Variants in OGDH observed in about 807,000 individuals in gnomAD.
OGDH encodes oxoglutarate dehydrogenase.
Under a neutral mutation model 116.6 loss-of-function variants are expected in OGDH, and 38 were observed. That is an observed-to-expected ratio of 0.33 (90% CI 0.25 to 0.43). The LOEUF (loss-of-function observed/expected upper bound fraction) is 0.43. OGDH is among the 20% of genes least tolerant of loss of function. The pLI is 1.00. For synonymous variants in OGDH, 488 were observed against 533.3 expected (o/e 0.92, Z 1.17); for missense variants, 825 against 1,357.2 (o/e 0.61, Z 6.16).
At chr7:44,624,624 G>T in intron 2 of OGDH, 59 bp downstream of exon 2, 1 of 1,460,220 alleles carries the variant, frequency 6.8e-7, no homozygotes, top group South Asian at 1.1e-5. Flanking sequence ...GTTCCTGACT[G>T]GTCACCAGGT....
chr7:44,624,308 T>TTTTGTAAAGGCAG lies in OGDH; in HGVS notation c.-27-7_-27-6insTGTAAAGGCAGTT. 1 of 1,329,616 alleles carries TTTTGTAAAGGCAG rather than the reference T, an allele frequency of 7.5e-7. No homozygotes were observed. Among genetic ancestry groups the TTTTGTAAAGGCAG allele is most frequent in the Non-Finnish European group, 1.0e-6 (1 of 979,422 alleles). 82.4% of individuals were successfully genotyped at this position (1,329,616 alleles called of 1,614,324 possible). On this transcript the variant is annotated splice_polypyrimidine_tract_variant and intron_variant, in intron 1 of 22. Transcript: ENST00000222673. The stretch of plus-strand genomic sequence containing the variant: ...TCTTTCTTGTTTTTTTTTTTTTTTT[T>TTTTGTAAAGGCAG]TTGTACAGGCAGTTGTGAAAAACTT...
At chr7:44,667,960 C>G (rs186898892) in intron 5 of OGDH, among the ~76,000 whole-genome samples, 161 of 152,268 alleles carry the variant, frequency 1.1e-3, no homozygotes, top group African/African-American at 3.7e-3. Flanking sequence ...GAGGCTGTTC[C>G]TCTCATGGCT....
chr7:44,704,751 C>T (rs532312998), intron 20 of OGDH, among the ~76,000 whole-genome samples: 1 of 152,052 alleles, frequency 6.6e-6, no homozygotes, highest in South Asian at 2.1e-4. Flanking sequence ...TACTCTGTTA[C>T]CCAGGCTGGA....
chr7:44,686,251 G>A (rs1323895777), intron 10 of OGDH, among the ~76,000 whole-genome samples: 31 of 152,082 alleles, frequency 2.0e-4, no homozygotes, highest in Admixed American at 2.0e-3. Flanking sequence ...AAAGTGTTTA[G>A]TATTTGATCA....
At chr7:44,641,956 C>G (rs1008313609) in intron 2 of OGDH, among the ~76,000 whole-genome samples, 8 of 152,200 alleles carry the variant, frequency 5.3e-5, no homozygotes, top group African/African-American at 1.9e-4. Flanking sequence ...GTTTTCTCTC[C>G]TAAGAGTAAG....
At chr7:44,681,951 C>A in intron 10 of OGDH, 103 bp downstream of exon 10, 1 of 1,460,102 alleles carries the variant, frequency 6.8e-7, no homozygotes, top group Non-Finnish European at 9.3e-7. Flanking sequence ...TATAAAAATA[C>A]ATCTGTTATT....
intron 2 of OGDH, among the ~76,000 whole-genome samples, chr7:44,627,865 C>G (rs916217763): frequency 6.6e-6 from 1 of 151,974 alleles, no homozygotes; most frequent in South Asian, 2.1e-4. Context: ...TTAGTAGAGA[C>G]GGGGTTTCAC....
intron 8 of OGDH, among the ~76,000 whole-genome samples, chr7:44,675,733 C>T (rs1187816166): frequency 2.0e-5 from 3 of 151,614 alleles, no homozygotes; most frequent in Non-Finnish European, 4.4e-5. Context: ...CAAAATTAGC[C>T]GGGCGTGGTG....
chr7:44,612,779 C>T (rs2117219962), intron 1 of OGDH, among the ~76,000 whole-genome samples: 1 of 152,268 alleles, frequency 6.6e-6, no homozygotes, highest in African/African-American at 2.4e-5. Context: ...TCACTGCAGC[C>T]TCTACTTCCA....
intron 4 of OGDH, among the ~76,000 whole-genome samples, chr7:44,649,637 G>A (rs1786346641): frequency 6.6e-6 from 1 of 152,130 alleles, no homozygotes; most frequent in Admixed American, 6.6e-5. Flanking sequence ...GTGCACGTTA[G>A]TATAACCAGG....
At chr7:44,687,636 T>G (rs1485730295) in intron 10 of OGDH, among the ~76,000 whole-genome samples, 1 of 152,030 alleles carries the variant, frequency 6.6e-6, no homozygotes, top group Non-Finnish European at 1.5e-5. Flanking sequence ...CCATGTTGAC[T>G]GGTCTTGAAC....
chr7:44,694,476 A>G lies in OGDH; in HGVS notation c.1568A>G (p.Gln523Arg). Residue 523 changes from glutamine (Q) to arginine (R), a missense_variant, in exon 12 of 23, where the codon CAG becomes CGG. Physicochemically the swap from Gln to Arg is conservative, Grantham distance 43. Transcript: ENST00000222673. This position sits in a 1 kb window ranked among gnomAD's most constrained non-coding sequence, Gnocchi z 4.2. ...GAGATGGATGAGCCCATGTTCACGCAGCCGCTCATGTACAAGCAGATCCGC... is the reference window on the plus strand; with the variant it reads ...GAGATGGATGAGCCCATGTTCACGCGGCCGCTCATGTACAAGCAGATCCGC... ...HNEMDEPMFT[Q>R]PLMYKQIRKQ... is the part of the protein sequence containing the mutation. The G allele has an allele frequency of 6.2e-7, 1 of 1,613,976 alleles. No homozygotes were observed. The highest frequency in any genetic ancestry group is 8.5e-7 in the Non-Finnish European group (1 of 1,180,008).
At chr7:44,641,068 A>AT (rs779053737) in intron 2 of OGDH, among the ~76,000 whole-genome samples, 1,546 of 131,844 alleles carry the variant, frequency 0.012, 10 homozygotes, top group Middle Eastern at 0.019. Context: ...TAATTTTTGT[A>AT]TTTTTTTTTT....
intron 9 of OGDH, among the ~76,000 whole-genome samples, chr7:44,677,558 T>A (rs1056424373): frequency 1.3e-5 from 2 of 151,924 alleles, no homozygotes. Context: ...TGGAAAGAAG[T>A]CAGGTCTATG....
intron 9 of OGDH, among the ~76,000 whole-genome samples, chr7:44,677,812 T>C (rs1265342149): frequency 1.3e-5 from 2 of 150,426 alleles, no homozygotes; most frequent in Non-Finnish European, 3.0e-5. Context: ...AGGCGGAGGT[T>C]GCAGTGAGCT....
chr7:44,658,203 A>AT (rs141167276), intron 4 of OGDH, among the ~76,000 whole-genome samples: 9,579 of 152,184 alleles, frequency 0.063, 371 homozygotes, highest in Middle Eastern at 0.095. Flanking sequence ...GAGAAAATAC[A>AT]TTTTTACCAT....
intron 1 of OGDH, 71 bp from the exon 2 acceptor site, chr7:44,624,246 G>A (rs1585233684): frequency 9.6e-7 from 1 of 1,040,190 alleles, no homozygotes; most frequent in South Asian, 1.5e-5. Context: ...TCAGGATCTA[G>A]TAGCCTTGTC....
At chr7:44,649,249 T>G (rs1468350810) in intron 4 of OGDH, among the ~76,000 whole-genome samples, 4 of 144,624 alleles carry the variant, frequency 2.8e-5, no homozygotes, top group Admixed American at 1.4e-4. Flanking sequence ...TCTGTTGTTT[T>G]TTTTTTTTTT....
Position 44,652,894 on chromosome 7 carries a change from C to T in OGDH, c.517+5135C>T, listed in dbSNP as rs142716689. On this transcript the variant is annotated intron_variant, in intron 4 of 22. Transcript: ENST00000222673. ...CTCCTAGGGAGTCTTTTTCCACTGG[C>T]TCTTGAAGAAGGGTCATCAGTTGGG... Among the ~76,000 whole-genome samples, 380 of 152,188 alleles carry T rather than the reference C, an allele frequency of 2.5e-3. 1 individual carries two copies. Among genetic ancestry groups the T allele is most frequent in the African/African-American group, 8.6e-3 (358 of 41,538 alleles).
Sources: gnomAD v4.1 joint callset for allele counts (sites outside exome capture counted in the v4.1 genomes callset) on GRCh38, gnomAD v4.1.1 for gene constraint, Gnocchi (gnomAD v3.1) non-coding constraint, MANE v1.5 for transcripts, NCBI Gene and HGNC (gene_info 2026-07-23, HGNC 2026-07-21) for gene names.